Variants in KCNB2 observed in about 807,000 individuals in gnomAD.
KCNB2 encodes the protein delayed rectifier potassium channel protein.
A neutral mutation model predicts 61.5 loss-of-function variants in KCNB2; 15 were observed. The ratio of observed to expected loss-of-function variants is 0.24; its 90% CI spans 0.16 to 0.38. The LOEUF is 0.38. Among genes scored for constraint, KCNB2 ranks in the 10% least tolerant of loss-of-function variants. The pLI is 1.00. For synonymous variants in KCNB2, 457 were observed against 446.0 expected (o/e 1.02, Z -0.31); for missense variants, 828 against 1,125.2 (o/e 0.74, Z 3.78).
intron 2 of KCNB2, among the ~76,000 whole-genome samples, chr8:72,716,968 C>T (rs1192563265): frequency 1.3e-5 from 2 of 151,926 alleles, no homozygotes; most frequent in Non-Finnish European, 2.9e-5. Context: ...AGCAAAGTCT[C>T]AGGATACAAA....
intron 1 of KCNB2, among the ~76,000 whole-genome samples, chr8:72,559,813 A>G (rs1048280771): frequency 2.0e-5 from 3 of 152,242 alleles, no homozygotes; most frequent in Non-Finnish European, 2.9e-5. Context: ...AAAGCAAATA[A>G]TAGTGAGGTG....
intron 2 of KCNB2, among the ~76,000 whole-genome samples, chr8:72,714,486 A>T (rs1807388477): frequency 6.6e-6 from 1 of 152,014 alleles, no homozygotes; most frequent in East Asian, 1.9e-4. Context: ...ACAAGCCAGA[A>T]GAGAGTGGGG....
chr8:72,768,054 A>T (rs2128996957), intron 2 of KCNB2, among the ~76,000 whole-genome samples: 1 of 152,212 alleles, frequency 6.6e-6, no homozygotes, highest in South Asian at 2.1e-4. Flanking sequence ...CTTATTGTTA[A>T]TTGTATTTAA....
chr8:72,742,347 T>C (rs1372037143), intron 2 of KCNB2, among the ~76,000 whole-genome samples: 1 of 152,190 alleles, frequency 6.6e-6, no homozygotes, highest in Non-Finnish European at 1.5e-5. Flanking sequence ...AACATGTTTA[T>C]AATATTGCTT....
At chr8:72,679,105 T>A (rs1443495167) in intron 2 of KCNB2, among the ~76,000 whole-genome samples, 1 of 152,226 alleles carries the variant, frequency 6.6e-6, no homozygotes, top group Non-Finnish European at 1.5e-5. Flanking sequence ...CTGACCCAAA[T>A]TGATTCTTTG....
intron 2 of KCNB2, among the ~76,000 whole-genome samples, chr8:72,667,130 C>T (rs987001755): frequency 6.6e-6 from 1 of 152,090 alleles, no homozygotes; most frequent in African/African-American, 2.4e-5. Context: ...CTTTAAAAAG[C>T]AGGGATAATG....
At chr8:72,580,625 A>T (rs1002989112) in intron 2 of KCNB2, among the ~76,000 whole-genome samples, 1 of 152,094 alleles carries the variant, frequency 6.6e-6, no homozygotes, top group Non-Finnish European at 1.5e-5. Flanking sequence ...TGTCTTTGGG[A>T]TCTTGAATCC....
intron 2 of KCNB2, among the ~76,000 whole-genome samples, chr8:72,668,849 G>T (rs1806519523): frequency 1.3e-5 from 2 of 152,086 alleles, no homozygotes; most frequent in South Asian, 4.1e-4. Context: ...CACACATTGT[G>T]TGAGACATGA....
intron 2 of KCNB2, among the ~76,000 whole-genome samples, chr8:72,713,969 C>T (rs553090435): frequency 1.1e-3 from 165 of 152,264 alleles, no homozygotes; most frequent in African/African-American, 3.8e-3. Context: ...CCTTCAAGGA[C>T]CTGATGGAGC....
At chr8:72,703,797 T>G (rs891325282) in intron 2 of KCNB2, among the ~76,000 whole-genome samples, 1 of 152,182 alleles carries the variant, frequency 6.6e-6, no homozygotes, top group African/African-American at 2.4e-5. Flanking sequence ...TGTGAAGTCA[T>G]TGAATGCCAT....
At chr8:72,785,888 A>G (rs1381639894) in intron 2 of KCNB2, among the ~76,000 whole-genome samples, 2 of 152,112 alleles carry the variant, frequency 1.3e-5, no homozygotes, top group Non-Finnish European at 2.9e-5. Flanking sequence ...TTCATATTTA[A>G]TGATATATTT....
chr8:72,710,864 G>A (rs1347764686), intron 2 of KCNB2, among the ~76,000 whole-genome samples: 1 of 152,188 alleles, frequency 6.6e-6, no homozygotes, highest in Non-Finnish European at 1.5e-5. Context: ...TGGATTAGAA[G>A]GCCTCTCAAG....
At chr8:72,922,018 A>G (rs532128848) in intron 2 of KCNB2, among the ~76,000 whole-genome samples, 1 of 152,330 alleles carries the variant, frequency 6.6e-6, no homozygotes, top group East Asian at 1.9e-4. Context: ...TCCTCAGGCT[A>G]AGAAAGGTAC....
chr8:72,617,434 T>C (rs1805636904), intron 2 of KCNB2, among the ~76,000 whole-genome samples: 1 of 152,270 alleles, frequency 6.6e-6, no homozygotes, highest in South Asian at 2.1e-4. Context: ...CCAAATCAGA[T>C]GTTCTGCCTT....
intron 2 of KCNB2, among the ~76,000 whole-genome samples, chr8:72,574,327 T>C (rs567621755): frequency 6.6e-6 from 1 of 152,162 alleles, no homozygotes; most frequent in Non-Finnish European, 1.5e-5. Flanking sequence ...GAGGAAGTCA[T>C]AAAAAGCTCA....
intron 2 of KCNB2, among the ~76,000 whole-genome samples, chr8:72,693,152 A>G (rs1177299567): frequency 6.6e-6 from 1 of 152,096 alleles, no homozygotes; most frequent in Non-Finnish European, 1.5e-5. Context: ...CCTTTGCCTT[A>G]CCTTCTCTCG....
At chr8:72,636,508 T>A (rs1370771820) in intron 2 of KCNB2, among the ~76,000 whole-genome samples, 1 of 152,170 alleles carries the variant, frequency 6.6e-6, no homozygotes, top group Non-Finnish European at 1.5e-5. Flanking sequence ...ATTTATTGAG[T>A]GCTTTTTACT....
At chr8:72,820,034 G>T (rs369066617) in intron 2 of KCNB2, among the ~76,000 whole-genome samples, 6 of 152,112 alleles carry the variant, frequency 3.9e-5, no homozygotes, top group African/African-American at 1.2e-4. Context: ...CTCCCATCTT[G>T]TAGGCCCCCT....
intron 2 of KCNB2, among the ~76,000 whole-genome samples, chr8:72,845,366 G>A (rs1442087783): frequency 6.6e-6 from 1 of 152,204 alleles, no homozygotes; most frequent in East Asian, 1.9e-4. Context: ...TGTATGAGAT[G>A]TCTGTCAACC....
Sources: allele counts gnomAD v4.1 joint callset (sites outside exome capture counted in the v4.1 genomes callset), GRCh38; gene constraint gnomAD v4.1.1; transcripts MANE v1.5; gene names NCBI Gene and HGNC (gene_info 2026-07-23, HGNC 2026-07-21).